ZDHHC15: variants seen among roughly 807,000 people sequenced by gnomAD.
ZDHHC15 encodes the protein zDHHC palmitoyltransferase 15.
In ZDHHC15, 19 loss-of-function variants were observed where a neutral mutation model predicts 31.7. The ratio of observed to expected loss-of-function variants is 0.60; its 90% confidence interval spans 0.42 to 0.88. ZDHHC15 has a LOEUF of 0.88. ZDHHC15 is among the 40% of genes least tolerant of loss of function. ZDHHC15 has a pLI of 0.00. For missense variants in ZDHHC15, 209 were observed against 251.2 expected (o/e 0.83, Z 1.14); for synonymous variants, 103 against 90.0 (o/e 1.14, Z -0.82).
chrX:75,439,998 CA>C (rs1311791062), intron 4 of ZDHHC15, among the ~76,000 whole-genome samples: 24 of 111,684 alleles, frequency 2.1e-4, no homozygotes, highest in African/African-American at 7.8e-4. Context: ...GGAGTGTCTG[CA>C]AAGAGTCCTG....
At chrX:75,401,079 A>T (rs1301972117) in intron 10 of ZDHHC15, among the ~76,000 whole-genome samples, 2 of 111,066 alleles carry the variant, frequency 1.8e-5, no homozygotes, top group Non-Finnish European at 3.8e-5. Flanking sequence ...AAAGTAGCGC[A>T]TCACTGAGGC....
At chrX:75,490,074 G>A (rs1354975170) in intron 2 of ZDHHC15, among the ~76,000 whole-genome samples, 1 of 111,699 alleles carries the variant, frequency 9.0e-6, no homozygotes, top group East Asian at 2.8e-4. Context: ...AAGCCTCCAA[G>A]AAATATGGGA....
chrX:75,425,734 T>C (rs968141144), intron 7 of ZDHHC15, among the ~76,000 whole-genome samples: 79 of 112,163 alleles, frequency 7.0e-4, no homozygotes, highest in African/African-American at 2.4e-3. Flanking sequence ...TAAGTGGACC[T>C]TAACTTCTGA....
chrX:75,510,187 T>G (rs899093276), intron 1 of ZDHHC15, among the ~76,000 whole-genome samples: 17 of 111,791 alleles, frequency 1.5e-4, no homozygotes, highest in African/African-American at 5.2e-4. Context: ...GGAAGCATAA[T>G]AAAAATATAG....
chrX:75,383,734 G>GTT (rs541238663), intron 10 of ZDHHC15, among the ~76,000 whole-genome samples: 4,548 of 77,606 alleles, frequency 0.059, 633 homozygotes, highest in Middle Eastern at 0.07. Flanking sequence ...AGAAATGTTA[G>GTT]GTTTTTTTTT....
chrX:75,377,447 G>A (rs914410830), intron 11 of ZDHHC15, among the ~76,000 whole-genome samples: 17 of 108,988 alleles, frequency 1.6e-4, no homozygotes, highest in African/African-American at 5.3e-4. Flanking sequence ...AGTGAGCCGA[G>A]ATCACTCCAC....
chrX:75,521,380 T>A (rs1248680660), intron 1 of ZDHHC15, among the ~76,000 whole-genome samples: 1 of 110,901 alleles, frequency 9.0e-6, no homozygotes, highest in Non-Finnish European at 1.9e-5. Flanking sequence ...AGGGACCCTA[T>A]TGTAACAAGA....
At chrX:75,497,691 T>C (rs1164609935) in intron 2 of ZDHHC15, among the ~76,000 whole-genome samples, 2 of 111,507 alleles carry the variant, frequency 1.8e-5, no homozygotes, top group East Asian at 5.6e-4. Context: ...GCAATAAATA[T>C]GATACACCAT....
intron 10 of ZDHHC15, among the ~76,000 whole-genome samples, chrX:75,392,676 C>G (rs1237963302): frequency 8.9e-6 from 1 of 112,166 alleles, no homozygotes; most frequent in Non-Finnish European, 1.9e-5. Flanking sequence ...GTTAACAATA[C>G]TTAAATGTTG....
At chrX:75,482,072 G>A (rs1472791434) in intron 2 of ZDHHC15, among the ~76,000 whole-genome samples, 1 of 111,136 alleles carries the variant, frequency 9.0e-6, no homozygotes, top group Non-Finnish European at 1.9e-5. Context: ...CATTCTTCAT[G>A]ACAGTACAAG....
At chrX:75,516,616 C>A (rs1163134407) in intron 1 of ZDHHC15, among the ~76,000 whole-genome samples, 2 of 112,057 alleles carry the variant, frequency 1.8e-5, no homozygotes, top group African/African-American at 6.5e-5. Context: ...AATGTTAGAC[C>A]TAAAACCTTA....
intron 4 of ZDHHC15, among the ~76,000 whole-genome samples, chrX:75,444,650 A>G (rs1179334346): frequency 1.9e-3 from 11 of 5,893 alleles, no homozygotes; most frequent in Non-Finnish European, 0.016. Flanking sequence ...GTATATATAT[A>G]TATATATATA....
intron 1 of ZDHHC15, among the ~76,000 whole-genome samples, chrX:75,519,014 G>T (rs938628374): frequency 9.3e-6 from 1 of 108,050 alleles, no homozygotes; most frequent in Non-Finnish European, 1.9e-5. Context: ...CATAGAGACA[G>T]AATGCAGATT....
intron 3 of ZDHHC15, among the ~76,000 whole-genome samples, chrX:75,474,057 G>T (rs2084548626): frequency 9.0e-6 from 1 of 110,910 alleles, no homozygotes; most frequent in African/African-American, 3.3e-5. Context: ...ACTTGTGATG[G>T]TTAATACTGA....
chrX:75,397,683 A>T (rs1210665739), intron 10 of ZDHHC15, among the ~76,000 whole-genome samples: 1 of 111,706 alleles, frequency 9.0e-6, no homozygotes, highest in Non-Finnish European at 1.9e-5. Context: ...GAATAAATAC[A>T]AGACCTTCAA....
chrX:75,473,848 A>G (rs1166861866), intron 3 of ZDHHC15, among the ~76,000 whole-genome samples: 1 of 112,105 alleles, frequency 8.9e-6, no homozygotes, highest in Non-Finnish European at 1.9e-5. Context: ...ATCATGTGAC[A>G]TAAGATTTAT....
chrX:75,470,260 G>C (rs761529362), intron 3 of ZDHHC15, among the ~76,000 whole-genome samples: 29 of 111,701 alleles, frequency 2.6e-4, no homozygotes, highest in Non-Finnish European at 4.9e-4. Flanking sequence ...CCAAGCTGGA[G>C]CCTTCCTGCC....
chrX:75,433,675 GTGTGTGTGTGTGTGTGTGTGTGTATA>G (rs1057315066), intron 4 of ZDHHC15, among the ~76,000 whole-genome samples: 2 of 12,234 alleles, frequency 1.6e-4, no homozygotes, highest in African/African-American at 1.8e-4. Flanking sequence ...GTGTGTGTGT[GTGTGTGTGTGTGTGTGTGTGTGTATA>G]TATATATATA....
At chrX:75,467,606 T>C (rs769929325) in intron 3 of ZDHHC15, among the ~76,000 whole-genome samples, 1 of 112,233 alleles carries the variant, frequency 8.9e-6, no homozygotes, top group Non-Finnish European at 1.9e-5. Flanking sequence ...GATGTGGTCT[T>C]AAGTGTTAGA....
Sources: gnomAD v4.1 joint callset for allele counts (sites outside exome capture counted in the v4.1 genomes callset) on GRCh38, gnomAD v4.1.1 for gene constraint, MANE v1.5 for transcripts, NCBI Gene and HGNC (gene_info 2026-07-23, HGNC 2026-07-21) for gene names.